The following SLC12A2 variants were observed in gnomAD, a reference collection of about 807,000 sequenced individuals.
The protein encoded by SLC12A2 is solute carrier family 12 member 2.
A neutral mutation model predicts 136.3 loss-of-function variants in SLC12A2; 67 were observed. The observed-to-expected ratio is 0.49, with a 90% CI of 0.40 to 0.60. SLC12A2 has a LOEUF of 0.60. Among genes scored for constraint, SLC12A2 ranks in the 20% least tolerant of loss-of-function variants. The pLI is 0.00. For synonymous variants in SLC12A2, 619 were observed against 562.9 expected, an observed-to-expected ratio of 1.10 and a Z score of -1.41; for missense variants, 1,322 against 1,534.7, an observed-to-expected ratio of 0.86 and a Z score of 2.32.
rs561831359 is a variant in SLC12A2 at position 128,186,134 on chromosome 5, C to T, written c.3504-362C>T. 5.9e-5 allele frequency among the ~76,000 whole-genome samples: 9 copies of T among 152,150 alleles called. No individual in the cohort carries two copies. In the East Asian group the frequency reaches 1.7e-3, roughly 29 times the overall value. Reference sequence around the variant, plus strand: ...AATGCTTACCATCGTGTTACAGTTGCCTATAGTATTCACTACAGTAACGTA... The same window carrying T: ...AATGCTTACCATCGTGTTACAGTTGTCTATAGTATTCACTACAGTAACGTA... On this transcript the variant is annotated intron_variant, in intron 26 of 26. Transcript: ENST00000262461.
intron 4 of SLC12A2, among the ~76,000 whole-genome samples, chr5:128,125,144 A>G (rs932959901): frequency 2.0e-5 from 3 of 152,234 alleles, no homozygotes; most frequent in Non-Finnish European, 4.4e-5. Flanking sequence ...TTTAACTCTT[A>G]AAACAATAAT....
chr5:128,189,618 T>C lies in SLC12A2; in HGVS notation c.*2987T>C, dbSNP rs1763979627. 6.6e-6 allele frequency: 1 copy of C among 152,658 alleles called. No homozygotes were observed. Among genetic ancestry groups the C allele is most frequent in the Admixed American group, 6.5e-5 (1 of 15,284 alleles). 9.5% of individuals were successfully genotyped at this position (152,658 alleles called of 1,614,324 possible). A position where few individuals can be genotyped will look rare whatever the true frequency, so the allele number is the denominator to read the frequency against. ...TTTTCTAATGTTTTAACCTTGAGTA[T>C]TGCAGTTGCTGCTTTGTACAGAGGT... On this transcript the variant is annotated 3_prime_UTR_variant, in exon 27 of 27. Coordinates refer to ENST00000262461, the MANE Select transcript of SLC12A2 (RefSeq NM_001046.3).
intron 4 of SLC12A2, among the ~76,000 whole-genome samples, chr5:128,129,798 T>G (rs1581093280): frequency 6.6e-6 from 1 of 152,296 alleles, no homozygotes; most frequent in East Asian, 1.9e-4. Flanking sequence ...AAACCAAGTT[T>G]TGATTGTGAC....
intron 16 of SLC12A2, among the ~76,000 whole-genome samples, chr5:128,161,103 A>G (rs1408709854): frequency 6.6e-6 from 1 of 152,224 alleles, no homozygotes; most frequent in African/African-American, 2.4e-5. Context: ...ATATTTGTGT[A>G]TAACACATTT....
rs372047482 is a variant in SLC12A2, at chr5:128,096,804, A to G, written c.756+12094A>G. Reference sequence around the variant, plus strand: ...ACAAATTTAAGAAAGGTAATTAAGCAAAATAACAGCAATAACAACAAATAG... The same window carrying G: ...ACAAATTTAAGAAAGGTAATTAAGCGAAATAACAGCAATAACAACAAATAG... On this transcript the variant is annotated intron_variant, in intron 1 of 26. Coordinates refer to ENST00000262461, the MANE Select transcript of SLC12A2 (RefSeq NM_001046.3). Among the ~76,000 whole-genome samples the G allele has an allele frequency of 2.6e-5, 4 of 152,166 alleles. No homozygotes were observed. The South Asian group carries it at 6.2e-4, about 24-fold the overall frequency.
intron 1 of SLC12A2, among the ~76,000 whole-genome samples, chr5:128,102,010 T>C (rs1033490698): frequency 2.0e-5 from 3 of 152,198 alleles, no homozygotes; most frequent in African/African-American, 4.8e-5. Flanking sequence ...TAGTAGAGTC[T>C]AGATTAGTAA....
chr5:128,112,983 T>TA, intron 2 of SLC12A2, 50 bp downstream of exon 2: 1 of 1,474,828 alleles, frequency 6.8e-7, no homozygotes, highest in Non-Finnish European at 9.1e-7. Flanking sequence ...CTGTTGGTTA[T>TA]AAAATCTTCC....
intron 4 of SLC12A2, among the ~76,000 whole-genome samples, chr5:128,120,457 C>G (rs202036941): frequency 0.25 from 35,990 of 143,006 alleles, 2,138 homozygotes; most frequent in African/African-American, 0.41. Context: ...TTGGAACCAA[C>G]CCAAATGTCC....
chr5:128,113,134 A>G (rs1466492102), intron 2 of SLC12A2, among the ~76,000 whole-genome samples: 1 of 152,156 alleles, frequency 6.6e-6, no homozygotes, highest in Non-Finnish European at 1.5e-5. Context: ...TATGCCATTT[A>G]TTTTGCCAAA....
intron 4 of SLC12A2, among the ~76,000 whole-genome samples, chr5:128,128,525 G>A (rs1487169575): frequency 2.6e-5 from 4 of 151,922 alleles, no homozygotes; most frequent in African/African-American, 9.7e-5. Context: ...AGCGATAACA[G>A]AAAGGCTGAT....
At chr5:128,098,495 G>GT (rs545491958) in intron 1 of SLC12A2, among the ~76,000 whole-genome samples, 11 of 145,794 alleles carry the variant, frequency 7.5e-5, no homozygotes, top group East Asian at 2.0e-4. Context: ...TGTTTTTTTT[G>GT]TTTTTTTTTC....
At chr5:128,118,043 T>A (rs7734927) in intron 4 of SLC12A2, among the ~76,000 whole-genome samples, 123,263 of 152,124 alleles carry the variant, frequency 0.81, 50,408 homozygotes, top group African/African-American at 0.91. Context: ...AGGAATGGCC[T>A]TAATTAAAAA....
At chr5:128,109,689 T>G in intron 1 of SLC12A2, 1 of 1,139,924 alleles carries the variant, frequency 8.8e-7, no homozygotes, top group Admixed American at 1.7e-5. Context: ...GGCGAAAAAG[T>G]CTTCCAGGTG....
At chr5:128,100,239 C>T (rs965672273) in intron 1 of SLC12A2, among the ~76,000 whole-genome samples, 10 of 152,110 alleles carry the variant, frequency 6.6e-5, no homozygotes, top group Non-Finnish European at 1.3e-4. Context: ...ATGTAGCACT[C>T]GAGGGATTTA....
intron 12 of SLC12A2, 37 bp from the exon 13 acceptor site, chr5:128,149,960 A>C (rs1396909423): frequency 7.5e-7 from 1 of 1,340,226 alleles, no homozygotes; most frequent in African/African-American, 1.4e-5. Context: ...TTAAATGTCT[A>C]ATACGTCAGT....
chr5:128,183,116 AAG>A (rs1472915768), intron 24 of SLC12A2, among the ~76,000 whole-genome samples, 175 bp downstream of exon 24: 2 of 152,098 alleles, frequency 1.3e-5, no homozygotes, highest in African/African-American at 4.8e-5. Flanking sequence ...AGAAAGTCTA[AAG>A]AGTTTTCAAT....
At chr5:128,104,834 G>A (rs1760876768) in intron 1 of SLC12A2, among the ~76,000 whole-genome samples, 1 of 151,976 alleles carries the variant, frequency 6.6e-6, no homozygotes, top group Non-Finnish European at 1.5e-5. Flanking sequence ...TTTCTACAAA[G>A]TATAGAATTT....
chr5:128,109,221 T>C (rs1440958556), intron 1 of SLC12A2, among the ~76,000 whole-genome samples: 1 of 152,246 alleles, frequency 6.6e-6, no homozygotes, highest in African/African-American at 2.4e-5. Context: ...ATCATTGTCC[T>C]GAGAAAGAGG....
chr5:128,178,701 A>C lies in SLC12A2; in HGVS notation c.3100+12A>C, dbSNP rs1419245989. 7 of 1,526,574 alleles carry C rather than the reference A, an allele frequency of 4.6e-6. No individual in the cohort carries two copies. Among genetic ancestry groups the C allele is most frequent in the Middle Eastern group, 3.5e-4 (2 of 5,714 alleles). The allele number at this position is 1,526,574 out of a possible 1,614,324, so 94.6% of individuals were successfully genotyped here. ...TTTTGATGATGGAGGTAAGGTTGTT[A>C]ATTTTTTTAAAATGATTTTAAATTT... On this transcript the variant is annotated intron_variant, in intron 22 of 26. Coordinates refer to ENST00000262461, the MANE Select transcript of SLC12A2 (RefSeq NM_001046.3).
Sources: allele counts gnomAD v4.1 joint callset (sites outside exome capture counted in the v4.1 genomes callset), GRCh38; gene constraint gnomAD v4.1.1; transcripts MANE v1.5; gene names NCBI Gene and HGNC (gene_info 2026-07-23, HGNC 2026-07-21).